The following CSMD2 variants were observed in gnomAD, a reference collection of about 807,000 sequenced individuals.
CSMD2 encodes the protein CUB and Sushi multiple domains 2.
Under a neutral mutation model 398.5 loss-of-function variants are expected in CSMD2, and 130 were observed. The ratio of observed to expected loss-of-function variants is 0.33; its 90% confidence interval spans 0.28 to 0.38. The LOEUF is 0.38. Among genes scored for constraint, CSMD2 ranks in the 10% least tolerant of loss-of-function variants. The pLI, the probability that CSMD2 is intolerant of heterozygous loss-of-function variation, is 1.00. For missense variants in CSMD2, 3,829 were observed against 4,764.9 expected (o/e 0.80, Z 5.78); for synonymous variants, 1,828 against 1,908.5 (o/e 0.96, Z 1.10).
At chr1:33,772,369 G>A in intron 13 of CSMD2, 200 bp downstream of exon 13, 1 of 537,280 alleles carries the variant, frequency 1.9e-6, no homozygotes, top group African/African-American at 1.9e-5. Context: ...AGGAGCACTT[G>A]TTCTCAGTGC....
At chr1:33,594,660 A>G (rs1029370527) in intron 44 of CSMD2, among the ~76,000 whole-genome samples, 4 of 151,774 alleles carry the variant, frequency 2.6e-5, no homozygotes, top group Admixed American at 6.6e-5. Flanking sequence ...CTTATCTTCT[A>G]TCTTCTCTCT....
chr1:33,677,890 C>T (rs1385321582), intron 25 of CSMD2, among the ~76,000 whole-genome samples: 3 of 137,394 alleles, frequency 2.2e-5, no homozygotes, highest in Non-Finnish European at 3.0e-5. Context: ...TTCTCACTCA[C>T]AGGTGGGAAT....
intron 5 of CSMD2, among the ~76,000 whole-genome samples, chr1:33,907,288 T>A (rs1643156451): frequency 1.3e-5 from 2 of 151,114 alleles, no homozygotes; most frequent in South Asian, 4.2e-4. Context: ...CCAGCTAATT[T>A]TTTTTTTTTT....
chr1:33,957,058 C>T (rs951262474), intron 3 of CSMD2, among the ~76,000 whole-genome samples: 1 of 152,022 alleles, frequency 6.6e-6, no homozygotes, highest in African/African-American at 2.4e-5. Context: ...ATCACCTCCC[C>T]CGAGAGGCCT....
rs1296916289 is a variant in CSMD2 at position 33,780,820 on chromosome 1, G to A, written c.1663+7780C>T. Among the ~76,000 whole-genome samples, 5 of 152,162 alleles carry A rather than the reference G, an allele frequency of 3.3e-5. No homozygotes were observed. The South Asian group carries it at 1.0e-3, about 32-fold the overall frequency. ...TTAGAGGTATCATGGAAACTCAGCG[G>A]GCATCTTAGGAACATGTTAGTGACA... On this transcript the variant is annotated intron_variant, in intron 12 of 70. Transcript: ENST00000373381.
chr1:34,002,702 AG>A (rs1021289605), intron 3 of CSMD2, among the ~76,000 whole-genome samples: 1 of 152,224 alleles, frequency 6.6e-6, no homozygotes, highest in African/African-American at 2.4e-5. Context: ...GATTGTTTTC[AG>A]GCAGAGTTGT....
intron 5 of CSMD2, among the ~76,000 whole-genome samples, chr1:33,885,793 G>A (rs1641552765): frequency 6.6e-6 from 1 of 152,284 alleles, no homozygotes; most frequent in Admixed American, 6.5e-5. Flanking sequence ...GGTATTCTCA[G>A]GCCTAATATA....
chr1:33,550,104 C>A, intron 56 of CSMD2, 73 bp downstream of exon 56: 2 of 1,493,104 alleles, frequency 1.3e-6, no homozygotes, highest in Non-Finnish European at 1.8e-6. Context: ...CACACTCACA[C>A]CTTGGGGGCT....
At position 33,542,879 on chromosome 1, in the gene CSMD2, G is replaced by T. The variant is rs1487701994; in HGVS notation, c.9118C>A (p.Pro3040Thr). The change falls in exon 58 of 71, where the codon CCT becomes ACT. Residue 3040 changes from proline to threonine, a missense_variant. Pro to Thr is a conservative substitution (Grantham distance 38, BLOSUM62 -1). Transcript: ENST00000373381. ...ACTCGGGCATTACTTGGAGTCCCAG[G>T]GTTCCCACAAGAGATCACTAGGAAG... ...PECGVISCGN[P>T]GTPSNARVVF... 1 of 1,614,046 alleles carries T rather than the reference G, an allele frequency of 6.2e-7. No homozygotes were observed. Among genetic ancestry groups the T allele is most frequent in the Non-Finnish European group, 8.5e-7 (1 of 1,179,996 alleles).
intron 3 of CSMD2, among the ~76,000 whole-genome samples, chr1:33,980,066 G>A (rs1288991815): frequency 6.6e-6 from 1 of 152,164 alleles, no homozygotes; most frequent in Non-Finnish European, 1.5e-5. Context: ...CCTTCACTGT[G>A]GACCCTTTCC....
chr1:33,707,693 GCGCACACACA>G lies in CSMD2; in HGVS notation c.3576+1386_3576+1395del, dbSNP rs1245019432. ...CACGCACGCGTGCACACGCGCGCGC[GCGCACACACA>G]CACACACACACACACACACACACAC... On this transcript the variant is annotated intron_variant, in intron 22 of 70. Coordinates refer to ENST00000373381, the MANE Select transcript of CSMD2 (RefSeq NM_001281956.2). Among the ~76,000 whole-genome samples, 418 of 46,950 alleles carry G rather than the reference GCGCACACACA, an allele frequency of 8.9e-3. 1 individual carries two copies. Among genetic ancestry groups the G allele is most frequent in the African/African-American group, 0.021 (351 of 16,472 alleles). 30.8% of individuals were successfully genotyped at this position (46,950 alleles called of 152,430 possible). A position where few individuals can be genotyped will look rare whatever the true frequency, so the allele number is the denominator to read the frequency against.
chr1:34,038,750 A>C (rs1651473806), intron 2 of CSMD2, among the ~76,000 whole-genome samples: 1 of 152,228 alleles, frequency 6.6e-6, no homozygotes, highest in South Asian at 2.1e-4. Flanking sequence ...GTCAGCCCAA[A>C]GTGCAGGCAA....
intron 25 of CSMD2, among the ~76,000 whole-genome samples, chr1:33,681,037 GC>G (rs1483853135): frequency 7.3e-6 from 1 of 137,146 alleles, no homozygotes; most frequent in Non-Finnish European, 1.5e-5. Context: ...TGATTCTCAT[GC>G]CTCAGCCTCC....
At chr1:33,928,295 G>A (rs1644196083) in intron 4 of CSMD2, among the ~76,000 whole-genome samples, 1 of 152,218 alleles carries the variant, frequency 6.6e-6, no homozygotes, top group African/African-American at 2.4e-5. Flanking sequence ...TGTAAGAGGA[G>A]ATAACATTAC....
chr1:33,605,937 G>A lies in CSMD2; in HGVS notation c.6344-467C>T, dbSNP rs1008174420. ...AGTTGAGTTGGTTCTTTCCAACTCC[G>A]AGAGATCAAAACCTCTCAGGAAGGA... On this transcript the variant is annotated intron_variant, in intron 41 of 70. Transcript: ENST00000373381. The A allele has an allele frequency of 3.8e-5, 61 of 1,613,750 alleles. No homozygotes were observed. In the East Asian group the frequency reaches 4.5e-4, roughly 12 times the overall value.
intron 19 of CSMD2, among the ~76,000 whole-genome samples, chr1:33,723,115 T>C (rs975940968): frequency 6.6e-6 from 1 of 152,278 alleles, no homozygotes; most frequent in Non-Finnish European, 1.5e-5. Flanking sequence ...TATTTGTATG[T>C]CCACTCTTGT....
At chr1:33,880,379 AC>A (rs145631079) in intron 5 of CSMD2, among the ~76,000 whole-genome samples, 3,420 of 152,208 alleles carry the variant, frequency 0.022, 145 homozygotes, top group African/African-American at 0.078. Flanking sequence ...ATACATTCAA[AC>A]TTTCTATCTG....
chr1:33,522,981 C>T (rs925396094), intron 67 of CSMD2, among the ~76,000 whole-genome samples: 4 of 152,214 alleles, frequency 2.6e-5, no homozygotes, highest in Non-Finnish European at 5.9e-5. Flanking sequence ...TTCCAGCTCC[C>T]ACCCACCACA....
chr1:33,765,256 T>C (rs1009874680), intron 13 of CSMD2, among the ~76,000 whole-genome samples: 3 of 152,304 alleles, frequency 2.0e-5, no homozygotes, highest in East Asian at 1.9e-4. Flanking sequence ...AGAATAACAA[T>C]GAATATTCTG....
Sources: gnomAD v4.1 joint callset for allele counts (sites outside exome capture counted in the v4.1 genomes callset) on GRCh38, gnomAD v4.1.1 for gene constraint, MANE v1.5 for transcripts, NCBI Gene and HGNC (gene_info 2026-07-23, HGNC 2026-07-21) for gene names.